Variants in FBN2 observed in about 807,000 individuals in gnomAD.
The protein encoded by FBN2 is fibrillin-2.
FBN2 carries 105 observed loss-of-function variants against 355.6 expected under a neutral mutation model. The observed-to-expected ratio is 0.30, with a 90% CI of 0.25 to 0.35. The LOEUF (loss-of-function observed/expected upper bound fraction) is 0.35, where lower values mean the gene tolerates loss of function less well. Ranked by LOEUF, FBN2 falls within the 10% of genes least tolerant of loss-of-function variation. The probability of loss-of-function intolerance (pLI) is 1.00; values close to 1 mark genes in which losing one functional copy is unlikely to be tolerated. For synonymous variants in FBN2, 1,350 were observed against 1,301.2 expected (o/e 1.04, Z -0.81); for missense variants, 3,280 against 3,758.7 (o/e 0.87, Z 3.33).
At chr5:128,451,391 A>G (rs559372087) in intron 6 of FBN2, among the ~76,000 whole-genome samples, 1 of 152,182 alleles carries the variant, frequency 6.6e-6, no homozygotes, top group African/African-American at 2.4e-5. Context: ...CATTATTATT[A>G]TTGTTATTAT....
At chr5:128,298,728 A>T (rs1368443613) in intron 48 of FBN2, among the ~76,000 whole-genome samples, 2 of 152,040 alleles carry the variant, frequency 1.3e-5, no homozygotes, top group Non-Finnish European at 2.9e-5. Flanking sequence ...TATTCTAGTT[A>T]TACATTCATC....
At chr5:128,343,752 C>T (rs1387739865) in intron 25 of FBN2, among the ~76,000 whole-genome samples, 1 of 152,204 alleles carries the variant, frequency 6.6e-6, no homozygotes, top group African/African-American at 2.4e-5. Flanking sequence ...TAAGAGAACA[C>T]TACTCAAGTT....
intron 48 of FBN2, among the ~76,000 whole-genome samples, chr5:128,293,956 T>C (rs1411629117): frequency 2.0e-5 from 3 of 152,010 alleles, no homozygotes; most frequent in Non-Finnish European, 4.4e-5. Flanking sequence ...CATCTAGCAT[T>C]AGGTATATCT....
In FBN2 at chr5:128,273,982, A is replaced by T. The variant is rs1180938239; in HGVS notation, c.7712-14T>A. The T allele has an allele frequency of 1.2e-6, 2 of 1,613,776 alleles. No individual in the cohort carries two copies. Among genetic ancestry groups the T allele is most frequent in the African/African-American group, 2.7e-5 (2 of 74,916 alleles). On this transcript the variant is annotated splice_polypyrimidine_tract_variant and intron_variant, in intron 60 of 64. Coordinates refer to ENST00000262464, the MANE Select transcript of FBN2 (RefSeq NM_001999.4). ...ATTCGTTGTTGTCTGGCAAAGCATC[A>T]AGAAGCAGAGCGTCAAACTTTCCAA... is the stretch of plus-strand genomic sequence containing the variant.
chr5:128,258,320 C>G lies in FBN2; in HGVS notation c.*1135G>C, dbSNP rs920713603. 1 of 152,166 alleles carries G rather than the reference C, an allele frequency of 6.6e-6. No homozygotes were observed. The highest frequency in any genetic ancestry group is 1.5e-5 in the Non-Finnish European group (1 of 67,992). 9.4% of individuals were successfully genotyped at this position (152,166 alleles called of 1,614,324 possible). A position where few individuals can be genotyped will look rare whatever the true frequency, so the allele number is the denominator to read the frequency against. On this transcript the variant is annotated 3_prime_UTR_variant, in exon 65 of 65. Coordinates refer to ENST00000262464, the MANE Select transcript of FBN2 (RefSeq NM_001999.4). ...ACAAACATCTTTCATACACAATAGG[C>G]TATGATAAAATGAGGCATATGGTGT... is the stretch of plus-strand genomic sequence containing the variant.
chr5:128,290,904 T>C lies in FBN2; in HGVS notation c.6293-20A>G, dbSNP rs1169900951. ...GAGTATCTAATCAAAAAAGCAAACA[T>C]TACAGATGGAATTATTTTGTAACAC... On this transcript the variant is annotated intron_variant, in intron 49 of 64. Transcript: ENST00000262464. 2.5e-6 allele frequency: 4 copies of C among 1,610,800 alleles called. No individual in the cohort carries two copies. Among genetic ancestry groups the C allele is most frequent in the Middle Eastern group, 1.7e-4 (1 of 6,048 alleles).
chr5:128,467,509 A>T (rs982388527), intron 5 of FBN2, among the ~76,000 whole-genome samples: 10 of 152,170 alleles, frequency 6.6e-5, no homozygotes, highest in African/African-American at 2.4e-4. Context: ...GGGTTAAAAC[A>T]TCCTGTCCCA....
At chr5:128,487,024 T>G (rs1214077478) in intron 5 of FBN2, among the ~76,000 whole-genome samples, 1 of 152,176 alleles carries the variant, frequency 6.6e-6, no homozygotes, top group African/African-American at 2.4e-5. Context: ...CAATATCCAA[T>G]TTTCCTCTCT....
chr5:128,276,049 T>C lies in FBN2; in HGVS notation c.7583A>G (p.Lys2528Arg), dbSNP rs749623269. ...GACTCTTCACTCACCTTTGCATGTC[T>C]TTCCATCCTCTTGCAGGACATACCC... is the stretch of plus-strand genomic sequence containing the variant. Reference protein sequence around the residue: ...PRGYVLQEDGKTCKDLDECQT... With the variant: ...PRGYVLQEDGRTCKDLDECQT... The change falls in exon 59 of 65, where the codon AAG (lysine) becomes AGG (arginine). Residue 2528 changes from lysine (K) to arginine (R), a missense_variant. Lys to Arg is a conservative substitution (Grantham distance 26, BLOSUM62 2). Transcript: ENST00000262464. 10 of 1,613,728 alleles carry C rather than the reference T, an allele frequency of 6.2e-6. No homozygotes were observed. In the African/African-American group the frequency reaches 1.3e-4, roughly 22 times the overall value.
At position 128,404,113 on chromosome 5, in the gene FBN2, A is replaced by G. The variant is rs184217220; in HGVS notation, c.1078+4561T>C. Among the ~76,000 whole-genome samples, 260 of 152,362 alleles carry G rather than the reference A, an allele frequency of 1.7e-3. 2 individuals are homozygous for G. The highest frequency in any genetic ancestry group is 6.1e-3 in the African/African-American group (252 of 41,584). On this transcript the variant is annotated intron_variant, in intron 8 of 64. Coordinates refer to ENST00000262464, the MANE Select transcript of FBN2 (RefSeq NM_001999.4). ...CTTTAAGTTCATCCAACTCTTTATT[A>G]GCATACATGTGGTTAGAAAATAAAT...
intron 32 of FBN2, among the ~76,000 whole-genome samples, chr5:128,331,107 T>C (rs764634818): frequency 6.6e-6 from 1 of 152,174 alleles, no homozygotes; most frequent in African/African-American, 2.4e-5. Context: ...AACAGAGATA[T>C]GATTCTTGAC....
intron 46 of FBN2, among the ~76,000 whole-genome samples, chr5:128,302,380 C>T (rs1220657876): frequency 6.6e-6 from 1 of 152,224 alleles, no homozygotes; most frequent in Admixed American, 6.5e-5. Flanking sequence ...GGACCCTCTC[C>T]CACTCACTAT....
intron 48 of FBN2, among the ~76,000 whole-genome samples, chr5:128,296,428 G>A (rs975968577): frequency 1.3e-5 from 2 of 151,722 alleles, no homozygotes. Flanking sequence ...GTTCCTCCTT[G>A]TACCTCTGGT....
At chr5:128,319,035 A>G in intron 34 of FBN2, 34 bp from the exon 35 acceptor site, 1 of 1,544,312 alleles carries the variant, frequency 6.5e-7, no homozygotes, top group South Asian at 1.1e-5. Context: ...TCTCTTATTT[A>G]AGAAGACATT....
intron 62 of FBN2, among the ~76,000 whole-genome samples, chr5:128,265,813 C>G (rs1046117224): frequency 6.6e-6 from 1 of 152,164 alleles, no homozygotes; most frequent in African/African-American, 2.4e-5. Context: ...TTAACACTTT[C>G]AAAGAACTTT....
intron 6 of FBN2, among the ~76,000 whole-genome samples, chr5:128,458,065 A>G (rs1481825362): frequency 6.6e-6 from 1 of 152,178 alleles, no homozygotes; most frequent in Non-Finnish European, 1.5e-5. Context: ...TGCTGTACTA[A>G]GGAAACCCGT....
intron 11 of FBN2, among the ~76,000 whole-genome samples, chr5:128,389,767 C>T (rs1302128480): frequency 6.6e-6 from 1 of 152,126 alleles, no homozygotes; most frequent in Non-Finnish European, 1.5e-5. Context: ...GTGGGCCACT[C>T]CTCAACTATT....
intron 36 of FBN2, among the ~76,000 whole-genome samples, chr5:128,315,721 C>T (rs952546702): frequency 2.6e-5 from 4 of 152,130 alleles, no homozygotes; most frequent in East Asian, 3.8e-4. Flanking sequence ...GGTACAGAAA[C>T]GTCATGAAAA....
At chr5:128,480,704 G>A (rs1175379513) in intron 5 of FBN2, among the ~76,000 whole-genome samples, 2 of 152,108 alleles carry the variant, frequency 1.3e-5, no homozygotes, top group East Asian at 1.9e-4. Context: ...CAGCCTGGGC[G>A]ACAGAGCGAG....
Sources: allele counts gnomAD v4.1 joint callset (sites outside exome capture counted in the v4.1 genomes callset), GRCh38; gene constraint gnomAD v4.1.1; transcripts MANE v1.5; gene names NCBI Gene and HGNC (gene_info 2026-07-23, HGNC 2026-07-21).